The following HSPA4 variants were observed in gnomAD, a reference collection of about 807,000 sequenced individuals.
HSPA4 encodes the protein heat shock 70 kDa protein 4.
In HSPA4, 25 loss-of-function variants were observed where a neutral mutation model predicts 106.2. That is an observed-to-expected ratio of 0.24 (90% confidence interval 0.17 to 0.33). The LOEUF (loss-of-function observed/expected upper bound fraction) is 0.33, where lower values mean the gene tolerates loss of function less well. HSPA4 is among the 10% of genes least tolerant of loss of function. HSPA4 has a pLI of 1.00. For synonymous variants in HSPA4, 332 were observed against 333.6 expected, an observed-to-expected ratio of 1.00 and a Z score of 0.05; for missense variants, 841 against 996.0, an observed-to-expected ratio of 0.84 and a Z score of 2.10.
intron 7 of HSPA4, among the ~76,000 whole-genome samples, chr5:133,082,849 C>T (rs1394938195): frequency 6.6e-6 from 1 of 152,006 alleles, no homozygotes; most frequent in Admixed American, 6.6e-5. Flanking sequence ...CAAAAAACCT[C>T]TACTGTCCAG....
rs142464206 is a variant in HSPA4 at position 133,088,472 on chromosome 5, G to C, written c.1054G>C (p.Glu352Gln). ...TGCTACACGAATCCCTGCGGTAAAA[G>C]AGAAGATCAGCAAATTTTTCGGTAA... The part of the protein sequence containing the change: ...GGATRIPAVK[E>Q]KISKFFGKEL... The change falls in exon 9 of 19, where the codon GAG (glutamate) becomes CAG (glutamine). Residue 352 changes from glutamate (E) to glutamine (Q), a missense_variant. Transcript: ENST00000304858. The C allele has an allele frequency of 4.3e-6, 7 of 1,613,210 alleles. No individual in the cohort carries two copies. The African/African-American group carries it at 8.0e-5, about 18-fold the overall frequency.
intron 4 of HSPA4, among the ~76,000 whole-genome samples, chr5:133,072,919 A>G (rs1198645637): frequency 6.6e-6 from 1 of 152,208 alleles, no homozygotes; most frequent in Non-Finnish European, 1.5e-5. Context: ...ATGCCAGGCA[A>G]GGACCAACAT....
rs972006447 is a variant in HSPA4, at chr5:133,052,045, C to T, written c.-206C>T. On this transcript the variant is annotated 5_prime_UTR_variant, in exon 1 of 19. Transcript: ENST00000304858. ...TCTCCGCCCCCGCTACCGGCGCCTC[C>T]TCTGCGGCCACTGAGCCGGAGCCGG... 1.9e-6 allele frequency: 1 copy of T among 532,548 alleles called. No individual in the cohort carries two copies. The highest frequency in any genetic ancestry group is 3.3e-6 in the Non-Finnish European group (1 of 300,090). 33.0% of individuals were successfully genotyped at this position (532,548 alleles called of 1,614,324 possible). A position where few individuals can be genotyped will look rare whatever the true frequency, so the allele number is the denominator to read the frequency against.
In HSPA4 at chr5:133,088,386, C is replaced by G. The variant is rs1043714148; in HGVS notation, c.986-18C>G. 10 of 1,539,046 alleles carry G rather than the reference C, an allele frequency of 6.5e-6. No homozygotes were observed. Among genetic ancestry groups the G allele is most frequent in the Non-Finnish European group, 9.0e-6 (10 of 1,117,132 alleles). ...CTTTCATTTCATTAAAAAAATCTGT[C>G]TAATTCTTTAAAAATAGAGTTAAAG... is the stretch of plus-strand genomic sequence containing the variant. On this transcript the variant is annotated intron_variant, in intron 8 of 18. Coordinates refer to ENST00000304858, the MANE Select transcript of HSPA4 (RefSeq NM_002154.4).
At chr5:133,103,451 C>G (rs1203405921) in intron 17 of HSPA4, among the ~76,000 whole-genome samples, 1 of 151,600 alleles carries the variant, frequency 6.6e-6, no homozygotes, top group Non-Finnish European at 1.5e-5. Context: ...TCACTGCAAG[C>G]TCCGCCTCCT....
chr5:133,074,880 A>G (rs1765427982), intron 6 of HSPA4, among the ~76,000 whole-genome samples: 1 of 152,126 alleles, frequency 6.6e-6, no homozygotes, highest in Non-Finnish European at 1.5e-5. Context: ...TGTCTAGATG[A>G]TTTTATCTAG....
chr5:133,067,374 A>AT, intron 2 of HSPA4, 43 bp from the exon 3 acceptor site: 1 of 1,523,680 alleles, frequency 6.6e-7, no homozygotes, highest in Non-Finnish European at 8.9e-7. Flanking sequence ...ATAAAAAAAA[A>AT]ATTAGTAGTA....
At chr5:133,071,903 C>T (rs1157552211) in intron 4 of HSPA4, among the ~76,000 whole-genome samples, 1 of 152,176 alleles carries the variant, frequency 6.6e-6, no homozygotes, top group East Asian at 1.9e-4. Flanking sequence ...TCCCCAGTGG[C>T]TGATACACCA....
intron 17 of HSPA4, 143 bp downstream of exon 17, chr5:133,102,021 G>T: frequency 1.9e-6 from 1 of 533,308 alleles, no homozygotes; most frequent in Admixed American, 3.9e-5. Flanking sequence ...CCACCTCCTG[G>T]GTTTAAGCAA....
chr5:133,053,421 A>G (rs1178269065), intron 1 of HSPA4, among the ~76,000 whole-genome samples: 1 of 146,236 alleles, frequency 6.8e-6, no homozygotes, highest in Non-Finnish European at 1.5e-5. Flanking sequence ...GGTTCACTGC[A>G]GCCTCGACCT....
intron 12 of HSPA4, among the ~76,000 whole-genome samples, chr5:133,091,819 AG>A (rs1475767399): frequency 2.0e-5 from 3 of 152,128 alleles, no homozygotes; most frequent in Non-Finnish European, 4.4e-5. Flanking sequence ...TGAGCCCAGA[AG>A]TTTGAGGCCA....
At chr5:133,086,196 TAG>T (rs1765576453) in intron 7 of HSPA4, among the ~76,000 whole-genome samples, 1 of 152,152 alleles carries the variant, frequency 6.6e-6, no homozygotes, top group South Asian at 2.1e-4. Flanking sequence ...GTCTGGGCAA[TAG>T]AGTTAGACCC....
rs557401953 is a variant in HSPA4 at position 133,067,468 on chromosome 5, C to T, written c.217C>T (p.Arg73Ter). 1 of 1,613,382 alleles carries T rather than the reference C, an allele frequency of 6.2e-7. No homozygotes were observed. The highest frequency in any genetic ancestry group is 8.5e-7 in the Non-Finnish European group (1 of 1,179,376). The change falls in exon 3 of 19, where the codon CGA becomes TGA. Residue 73 changes from arginine to a stop codon, truncating the protein, a stop_gained. Transcript: ENST00000304858. LOFTEE classifies it high-confidence loss of function. ...TVQGFKRFHGRAFSDPFVEAE... is the reference protein window; with the variant it reads ...TVQGFKRFHG Reference sequence around the variant, plus strand: ...CCAAGGATTTAAAAGATTCCATGGCCGAGCATTCTCTGATCCATTTGTGGA... The same window carrying T: ...CCAAGGATTTAAAAGATTCCATGGCTGAGCATTCTCTGATCCATTTGTGGA...
At chr5:133,052,661 G>A (rs967439288) in intron 1 of HSPA4, 1 of 344,322 alleles carries the variant, frequency 2.9e-6, no homozygotes, top group Non-Finnish European at 5.3e-6. Context: ...GCAGGCCTAG[G>A]ATGTAAACGG....
chr5:133,104,155 G>T, intron 18 of HSPA4, 78 bp from the exon 19 acceptor site: 2 of 1,470,896 alleles, frequency 1.4e-6, no homozygotes, highest in Admixed American at 3.6e-5. Context: ...TGGTGGGAGA[G>T]GGCGGATTTG....
chr5:133,089,426 C>T, intron 10 of HSPA4, 136 bp from the exon 11 acceptor site: 1 of 768,978 alleles, frequency 1.3e-6, no homozygotes, highest in Non-Finnish European at 2.0e-6. Context: ...TTCTTGGGAA[C>T]TCTTATAATC....
At chr5:133,102,908 G>GTTTTTTTT (rs1446447734) in intron 17 of HSPA4, among the ~76,000 whole-genome samples, 1 of 57,718 alleles carries the variant, frequency 1.7e-5, no homozygotes, top group African/African-American at 1.1e-4. Flanking sequence ...CCCAACTAGG[G>GTTTTTTTT]TTGTCTTTTT....
At chr5:133,083,857 A>G (rs912967545) in intron 7 of HSPA4, among the ~76,000 whole-genome samples, 1 of 152,154 alleles carries the variant, frequency 6.6e-6, no homozygotes, top group Non-Finnish European at 1.5e-5. Context: ...TGTTTTTAGC[A>G]TATCTCAAAG....
intron 7 of HSPA4, among the ~76,000 whole-genome samples, chr5:133,079,413 G>T (rs993783810): frequency 6.6e-6 from 1 of 152,016 alleles, no homozygotes; most frequent in Non-Finnish European, 1.5e-5. Flanking sequence ...GGCTTCTTTC[G>T]TTCTGACTTC....
Sources: gnomAD v4.1 joint callset for allele counts (sites outside exome capture counted in the v4.1 genomes callset) on GRCh38, gnomAD v4.1.1 for gene constraint, MANE v1.5 for transcripts, NCBI Gene and HGNC (gene_info 2026-07-23, HGNC 2026-07-21) for gene names.